Variants in ACVR2A observed in about 807,000 individuals in gnomAD.
The protein encoded by ACVR2A is activin A receptor type 2A, also known as activin receptor type-2A.
A neutral mutation model predicts 61.4 loss-of-function variants in ACVR2A; 7 were observed. The observed-to-expected ratio is 0.11, with a 90% CI of 0.06 to 0.21. The LOEUF (loss-of-function observed/expected upper bound fraction) is 0.21, where lower values mean the gene tolerates loss of function less well. Among genes scored for constraint, ACVR2A ranks in the 10% least tolerant of loss-of-function variants. The pLI, the probability that ACVR2A is intolerant of heterozygous loss-of-function variation, is 1.00. For missense variants in ACVR2A, 322 were observed against 621.7 expected, an observed-to-expected ratio of 0.52 and a Z score of 5.13; for synonymous variants, 193 against 208.3, an observed-to-expected ratio of 0.93 and a Z score of 0.63.
intron 5 of ACVR2A, 30 bp downstream of exon 5, chr2:147,915,364 A>C: frequency 6.2e-7 from 1 of 1,609,374 alleles, no homozygotes; most frequent in East Asian, 2.2e-5. Flanking sequence ...GTCATCTTAC[A>C]TACATGTTTT....
intron 1 of ACVR2A, among the ~76,000 whole-genome samples, chr2:147,870,299 A>G (rs2105156585): frequency 6.6e-6 from 1 of 152,216 alleles, no homozygotes; most frequent in African/African-American, 2.4e-5. Context: ...TTAATATTCT[A>G]CTTGATCATC....
At chr2:147,898,119 C>G (rs1383571455) in intron 2 of ACVR2A, 2 of 152,078 alleles carry the variant, frequency 1.3e-5, no homozygotes, top group African/African-American at 4.8e-5. Context: ...GTGTGTTATT[C>G]ATTGCAAATA....
upstream of ACVR2A, chr2:147,845,010 T>TG (rs1685265780): frequency 5.3e-6 from 1 of 188,298 alleles, no homozygotes; most frequent in African/African-American, 2.9e-5. Flanking sequence ...GTTTTTTTTT[T>TG]TTTTTTTTTT....
chr2:147,859,149 A>G (rs1044466668), intron 1 of ACVR2A, among the ~76,000 whole-genome samples: 2 of 152,114 alleles, frequency 1.3e-5, no homozygotes, highest in Non-Finnish European at 2.9e-5. Flanking sequence ...TAGCAATACA[A>G]CTTTGTTTTA....
intron 1 of ACVR2A, among the ~76,000 whole-genome samples, chr2:147,884,769 G>T (rs1686388876): frequency 6.6e-6 from 1 of 152,114 alleles, no homozygotes; most frequent in Admixed American, 6.5e-5. Flanking sequence ...TTTCAGCATA[G>T]ATATTGTATA....
Position 147,861,169 on chromosome 2 carries a change from T to C in ACVR2A, c.55+15962T>C, listed in dbSNP as rs540379264. Among the ~76,000 whole-genome samples the C allele has an allele frequency of 9.2e-5, 14 of 152,348 alleles. No individual in the cohort carries two copies. The East Asian group carries it at 2.7e-3, about 29-fold the overall frequency. ...TATTAATTGCTGATGCTGCTTGATA[T>C]TACCCACCAGTGTCAAGCTCTGAAC... On this transcript the variant is annotated intron_variant, in intron 1 of 10. Transcript: ENST00000241416.
chr2:147,918,715 T>A, intron 7 of ACVR2A, 123 bp downstream of exon 7: 1 of 831,102 alleles, frequency 1.2e-6, no homozygotes, highest in Non-Finnish European at 1.7e-6. Context: ...CAGTCAGTTT[T>A]CATTTGTTTT....
chr2:147,901,221 T>G (rs1337537597), intron 4 of ACVR2A, among the ~76,000 whole-genome samples: 1 of 152,010 alleles, frequency 6.6e-6, no homozygotes, highest in Non-Finnish European at 1.5e-5. Context: ...TTTAAAAAAT[T>G]TGTTTTAGTA....
At chr2:147,915,684 A>G (rs145792645) in intron 5 of ACVR2A, among the ~76,000 whole-genome samples, 140 of 152,086 alleles carry the variant, frequency 9.2e-4, no homozygotes, top group African/African-American at 3.3e-3. Context: ...GCAAACAAAA[A>G]AACAAAAGAG....
intron 4 of ACVR2A, among the ~76,000 whole-genome samples, chr2:147,911,121 A>G (rs968157650): frequency 1.3e-5 from 2 of 152,132 alleles, no homozygotes; most frequent in Non-Finnish European, 2.9e-5. Context: ...GTTTTTGCTA[A>G]AGGCAATACT....
intron 6 of ACVR2A, 42 bp downstream of exon 6, chr2:147,917,468 G>T: frequency 6.2e-7 from 1 of 1,601,622 alleles, no homozygotes; most frequent in Non-Finnish European, 8.5e-7. Context: ...GTCTGAGTTG[G>T]CCTGCCTACC....
intron 1 of ACVR2A, among the ~76,000 whole-genome samples, chr2:147,851,593 C>T (rs993508735): frequency 6.6e-6 from 1 of 152,062 alleles, no homozygotes; most frequent in Admixed American, 6.5e-5. Context: ...ACCTGGCTAA[C>T]CCCTTTTTGG....
intron 1 of ACVR2A, among the ~76,000 whole-genome samples, chr2:147,888,297 G>A (rs1686492525): frequency 6.6e-6 from 1 of 152,088 alleles, no homozygotes; most frequent in African/African-American, 2.4e-5. Context: ...AAAAAGTTTA[G>A]AATATACTTG....
chr2:147,844,644 T>TCGCCGC (rs1180696128), upstream of ACVR2A: 19 of 153,712 alleles, frequency 1.2e-4, no homozygotes, highest in African/African-American at 4.7e-4. Flanking sequence ...CGCAGCCGCC[T>TCGCCGC]CGCCGCCACC....
At chr2:147,908,495 T>G (rs1386071182) in intron 4 of ACVR2A, among the ~76,000 whole-genome samples, 1 of 152,180 alleles carries the variant, frequency 6.6e-6, no homozygotes, top group Non-Finnish European at 1.5e-5. Flanking sequence ...AGAGGAATTT[T>G]GACGATCTAA....
chr2:147,865,807 GATTAGTA>G (rs972521002), intron 1 of ACVR2A, among the ~76,000 whole-genome samples: 5 of 152,188 alleles, frequency 3.3e-5, no homozygotes, highest in Non-Finnish European at 7.3e-5. Flanking sequence ...GGAGGAGAAT[GATTAGTA>G]AACTAGCATT....
chr2:147,903,025 A>G (rs1003800486), intron 4 of ACVR2A: 1 of 151,916 alleles, frequency 6.6e-6, no homozygotes, highest in East Asian at 1.9e-4. Context: ...CATTGTTCTC[A>G]TTATTAGTAA....
chr2:147,868,486 A>T (rs1685931404), intron 1 of ACVR2A, among the ~76,000 whole-genome samples: 1 of 152,134 alleles, frequency 6.6e-6, no homozygotes, highest in Non-Finnish European at 1.5e-5. Context: ...TGTATTGTTA[A>T]AAAGTAGAAA....
intron 1 of ACVR2A, among the ~76,000 whole-genome samples, chr2:147,877,873 G>A (rs1008481836): frequency 1.3e-5 from 2 of 152,144 alleles, no homozygotes; most frequent in African/African-American, 4.8e-5. Context: ...TTCTGTTGCT[G>A]TGTCTTATCT....
Sources: gnomAD v4.1 joint callset for allele counts (sites outside exome capture counted in the v4.1 genomes callset) on GRCh38, gnomAD v4.1.1 for gene constraint, MANE v1.5 for transcripts, NCBI Gene and HGNC (gene_info 2026-07-23, HGNC 2026-07-21) for gene names.